The following EMSY variants were observed in gnomAD, a reference collection of about 807,000 sequenced individuals.
The protein encoded by EMSY is EMSY transcriptional repressor, BRCA2 interacting, also known as BRCA2-interacting transcriptional repressor EMSY.
EMSY carries 26 observed loss-of-function variants against 134.6 expected under a neutral mutation model. That is an observed-to-expected ratio of 0.19 (90% CI 0.14 to 0.27). The LOEUF (loss-of-function observed/expected upper bound fraction) is 0.27, where lower values mean the gene tolerates loss of function less well. Ranked by LOEUF, EMSY falls within the 10% of genes least tolerant of loss-of-function variation. The probability of loss-of-function intolerance (pLI) is 1.00; values close to 1 mark genes in which losing one functional copy is unlikely to be tolerated. For missense variants in EMSY, 1,305 were observed against 1,611.4 expected (o/e 0.81, Z 3.26); for synonymous variants, 579 against 577.8 (o/e 1.00, Z -0.03).
At chr11:76,481,557 G>T in intron 8 of EMSY, among the ~76,000 whole-genome samples, 1 of 152,188 alleles carries the variant, frequency 6.6e-6, no homozygotes, top group East Asian at 1.9e-4. Flanking sequence ...AAGCTTGGTG[G>T]GGGGAGGGGT....
At chr11:76,513,412 C>G (rs769809022) in exon 10 of EMSY, 1 of 1,613,352 alleles carries the variant, frequency 6.2e-7, no homozygotes, top group African/African-American at 1.3e-5. Context: ...ACAACAGGTT[C>G]AACCAAGTAA....
At position 76,486,226 on chromosome 11, in the gene EMSY, G is replaced by A. The variant is rs966760074; in HGVS notation, c.1109-9989G>A. Reference sequence around the variant, plus strand: ...TGAGAACACATGGACACAGGGAGGGGAACATCACACGCTGGGGCCTGTTGG... The same window carrying A: ...TGAGAACACATGGACACAGGGAGGGAAACATCACACGCTGGGGCCTGTTGG... On this transcript the variant is annotated intron_variant, in intron 8 of 20. Coordinates refer to ENST00000334736, the Ensembl canonical transcript of EMSY. Among the ~76,000 whole-genome samples, 4 of 151,864 alleles carry A rather than the reference G, an allele frequency of 2.6e-5. No homozygotes were observed. The South Asian group carries it at 6.2e-4, about 24-fold the overall frequency.
chr11:76,540,362 CATT>C (rs1258136418), intron 17 of EMSY, among the ~76,000 whole-genome samples: 11 of 152,036 alleles, frequency 7.2e-5, no homozygotes, highest in South Asian at 6.3e-4. Flanking sequence ...TTACTTCAGT[CATT>C]GTTGTTTTAG....
rs145227746 is a variant in EMSY, at chr11:76,510,931, A to G, written c.1364-2455A>G. On this transcript the variant is annotated intron_variant, in intron 9 of 20. Coordinates refer to ENST00000334736, the Ensembl canonical transcript of EMSY. ...AAATACCACAGATTTTGCCTTTCTC[A>G]ATGAATTTTTTGAGATTTTATTGAG... Among the ~76,000 whole-genome samples the G allele has an allele frequency of 9.0e-3, 1,375 of 152,270 alleles. 20 individuals are homozygous for G. Among genetic ancestry groups the G allele is most frequent in the African/African-American group, 0.031 (1,309 of 41,560 alleles).
chr11:76,548,992 G>A (rs996793912), intron 20 of EMSY, among the ~76,000 whole-genome samples: 8 of 152,266 alleles, frequency 5.3e-5, no homozygotes, highest in East Asian at 3.9e-4. Context: ...CTCTGTCCAC[G>A]TTCTCTTGGA....
intron 4 of EMSY, 115 bp downstream of exon 5, chr11:76,454,905 T>C: frequency 2.6e-6 from 2 of 775,812 alleles, no homozygotes. Context: ...TGCCCCTTGC[T>C]TTCCTTCTCT....
rs1231817611 is a variant in EMSY, at chr11:76,546,177, C to T, written c.3654C>T (p.Gly1218=). 3.7e-6 allele frequency: 6 copies of T among 1,614,158 alleles called. No homozygotes were observed. The South Asian group carries it at 6.6e-5, about 18-fold the overall frequency. ...CCTGTTCGAGTCCATCCACTGTTGG[C>T]TCTTCCCTAACGACAAGGAAAATTG... The change falls in exon 20 of 21, where the codon GGC becomes GGT. Residue 1218 remains glycine (G), a synonymous_variant. Coordinates refer to ENST00000334736, the Ensembl canonical transcript of EMSY.
intron 20 of EMSY, among the ~76,000 whole-genome samples, chr11:76,548,466 C>T (rs1284457270): frequency 6.6e-6 from 1 of 152,092 alleles, no homozygotes; most frequent in African/African-American, 2.4e-5. Flanking sequence ...GGGAAGTAAA[C>T]AAGATGTATC....
At chr11:76,513,070 G>C (rs1950333595) in intron 9 of EMSY, among the ~76,000 whole-genome samples, 2 of 152,102 alleles carry the variant, frequency 1.3e-5, no homozygotes, top group African/African-American at 4.8e-5. Flanking sequence ...GTATGGAAAG[G>C]ATTATTTGCC....
At chr11:76,492,756 G>A (rs1949473042) in intron 8 of EMSY, among the ~76,000 whole-genome samples, 1 of 152,174 alleles carries the variant, frequency 6.6e-6, no homozygotes, top group Non-Finnish European at 1.5e-5. Flanking sequence ...TCCAGTGGGT[G>A]CAGTGGACTC....
At chr11:76,470,986 C>T (rs765274473) in intron 7 of EMSY, among the ~76,000 whole-genome samples, 13 of 152,046 alleles carry the variant, frequency 8.6e-5, no homozygotes, top group Non-Finnish European at 1.6e-4. Context: ...ACATCTCTTT[C>T]CTGCCTCTCT....
intron 11 of EMSY, among the ~76,000 whole-genome samples, chr11:76,518,704 T>TATATATATATA (rs1555068832): frequency 1.9e-3 from 152 of 78,276 alleles, no homozygotes; most frequent in African/African-American, 4.4e-3. Context: ...TATATATATA[T>TATATATATATA]TTTTTTTTTA....
intron 9 of EMSY, among the ~76,000 whole-genome samples, chr11:76,501,909 CAAAA>C (rs1166232357): frequency 6.6e-6 from 1 of 151,470 alleles, no homozygotes; most frequent in Admixed American, 6.6e-5. Context: ...AATTCAAAGA[CAAAA>C]AGAAAATCTT....
rs142128882 is a variant in EMSY, at chr11:76,496,546, C to T, written c.1363+77C>T. Reference sequence around the variant, plus strand: ...TTTTTAGTCTTCCAGTCCATGAACACGGTATGTCTCTTCATTTATTTAGGT... The same window carrying T: ...TTTTTAGTCTTCCAGTCCATGAACATGGTATGTCTCTTCATTTATTTAGGT... On this transcript the variant is annotated intron_variant, in intron 9 of 20. Coordinates refer to ENST00000334736, the Ensembl canonical transcript of EMSY. The T allele has an allele frequency of 8.7e-5, 128 of 1,475,310 alleles. No individual in the cohort carries two copies. In the African/African-American group the frequency reaches 9.3e-4, roughly 11 times the overall value. 91.4% of individuals were successfully genotyped at this position (1,475,310 alleles called of 1,614,324 possible).
At chr11:76,447,042 C>G in intron 2 of EMSY, 34 bp downstream of exon 2, 2 of 1,601,640 alleles carry the variant, frequency 1.2e-6, no homozygotes, top group Non-Finnish European at 1.7e-6. Flanking sequence ...TTACCTCTCT[C>G]TGATACCTTT....
At chr11:76,453,559 GT>G (rs933737068) in intron 4 of EMSY, 171 bp downstream of exon 4, 313 of 482,218 alleles carry the variant, frequency 6.5e-4, no homozygotes, top group South Asian at 8.2e-4. Context: ...ATTCAGTTGG[GT>G]TTTTTTTTGC....
At chr11:76,454,666 A>G in intron 4 of EMSY, 83 bp from the exon 5 acceptor site, 1 of 865,498 alleles carries the variant, frequency 1.2e-6, no homozygotes, top group Non-Finnish European at 1.7e-6. Flanking sequence ...ATTGTGGGGC[A>G]ACTAGTTGTA....
At chr11:76,485,264 T>C (rs1189231958) in intron 8 of EMSY, among the ~76,000 whole-genome samples, 1 of 152,148 alleles carries the variant, frequency 6.6e-6, no homozygotes, top group Admixed American at 6.5e-5. Flanking sequence ...TTCAGGCCAA[T>C]ATCCCTGATG....
chr11:76,543,960 C>CT (rs2136738706), intron 18 of EMSY, among the ~76,000 whole-genome samples: 1 of 152,302 alleles, frequency 6.6e-6, no homozygotes, highest in Admixed American at 6.5e-5. Flanking sequence ...GCCAGGGAGC[C>CT]TTTCTCTTCT....
Sources: gnomAD v4.1 joint callset for allele counts (sites outside exome capture counted in the v4.1 genomes callset) on GRCh38, gnomAD v4.1.1 for gene constraint, MANE v1.5 for transcripts, NCBI Gene and HGNC (gene_info 2026-07-23, HGNC 2026-07-21) for gene names.